COL17A1: variants seen among roughly 807,000 people sequenced by gnomAD.
The protein encoded by COL17A1 is collagen type XVII alpha 1 chain.
Under a neutral mutation model 218.4 loss-of-function variants are expected in COL17A1, and 181 were observed. The observed-to-expected ratio is 0.83, with a 90% CI of 0.73 to 0.94. The LOEUF is 0.94. Ranked by LOEUF, COL17A1 falls within the 40% of genes least tolerant of loss-of-function variation. COL17A1 has a pLI of 0.00. For synonymous variants in COL17A1, 721 were observed against 731.0 expected (o/e 0.99, Z 0.22); for missense variants, 1,924 against 1,945.9 (o/e 0.99, Z 0.21).
intron 31 of COL17A1, among the ~76,000 whole-genome samples, chr10:104,047,368 G>A (rs2086422397): frequency 6.6e-6 from 1 of 152,074 alleles, no homozygotes; most frequent in Non-Finnish European, 1.5e-5. Flanking sequence ...AAGATAGCGA[G>A]GTGACCTTCA....
At position 104,040,427 on chromosome 10, in the gene COL17A1, T is replaced by C. The variant is rs2086346941; in HGVS notation, c.2702-17A>G. The C allele has an allele frequency of 6.3e-7, 1 of 1,576,522 alleles. No homozygotes were observed. The highest frequency in any genetic ancestry group is 1.1e-5 in the South Asian group (1 of 90,372). ...GGAAGGTTTCTGCAGAGGAAGGAAA[T>C]AGTTTGAGTATGGACACTGATGTTT... On this transcript the variant is annotated splice_polypyrimidine_tract_variant and intron_variant, in intron 39 of 55. Transcript: ENST00000648076.
chr10:104,071,988 G>A, intron 8 of COL17A1, 44 bp downstream of exon 8: 1 of 1,613,664 alleles, frequency 6.2e-7, no homozygotes, highest in Non-Finnish European at 8.5e-7. Context: ...CACTAGCCCT[G>A]GATTTCTGGA....
At chr10:104,054,141 G>A in intron 20 of COL17A1, 23 bp from the exon 21 acceptor site, 1 of 1,600,246 alleles carries the variant, frequency 6.2e-7, no homozygotes, top group Middle Eastern at 1.8e-4. Flanking sequence ...AGGCAAAAGA[G>A]AGAGTGGTCA....
At chr10:104,040,296 C>T in intron 40 of COL17A1, 55 bp downstream of exon 40, 4 of 1,261,574 alleles carry the variant, frequency 3.2e-6, no homozygotes, top group Non-Finnish European at 4.7e-6. Flanking sequence ...TGGCAACCAG[C>T]AGGTAAACAG....
At chr10:104,078,832 C>T (rs773513117) in intron 2 of COL17A1, among the ~76,000 whole-genome samples, 79 of 152,186 alleles carry the variant, frequency 5.2e-4, no homozygotes, top group African/African-American at 7.7e-4. Context: ...TTATGCACTG[C>T]GTTTGAAACA....
At chr10:104,038,920 G>T in intron 44 of COL17A1, 151 bp downstream of exon 44, 1 of 913,380 alleles carries the variant, frequency 1.1e-6, no homozygotes, top group Non-Finnish European at 1.8e-6. Context: ...CCTCCTTAAA[G>T]GCAGCTCATA....
At position 104,037,657 on chromosome 10, in the gene COL17A1, G is replaced by A. The variant is rs1220146123; in HGVS notation, c.3187C>T (p.His1063Tyr). 1.2e-6 allele frequency: 2 copies of A among 1,614,204 alleles called. No individual in the cohort carries two copies. Among genetic ancestry groups the A allele is most frequent in the African/African-American group, 1.3e-5 (1 of 75,038 alleles). Residue 1063 changes from histidine to tyrosine, a missense_variant, in exon 46 of 56, where the codon CAC becomes TAC. By Grantham distance (83) the His-to-Tyr change is moderately conservative (BLOSUM62 2). Transcript: ENST00000648076. ...ETFDYSELASHVVSYLRTSGY... is the reference protein window; with the variant it reads ...ETFDYSELASYVVSYLRTSGY... ...TTACTCCGTAAGTAGCTCACAACGTGGCTTGCCAGCTCTGAGTAGTCGAAA... is the reference window on the plus strand; with the variant it reads ...TTACTCCGTAAGTAGCTCACAACGTAGCTTGCCAGCTCTGAGTAGTCGAAA...
intron 9 of COL17A1, among the ~76,000 whole-genome samples, chr10:104,070,221 A>T (rs920498784): frequency 6.6e-6 from 1 of 152,236 alleles, no homozygotes; most frequent in Non-Finnish European, 1.5e-5. Flanking sequence ...AGGAAACCAA[A>T]GGCAGCTGTC....
intron 34 of COL17A1, 35 bp downstream of exon 34, chr10:104,043,790 A>T: frequency 6.2e-7 from 1 of 1,612,984 alleles, no homozygotes; most frequent in Non-Finnish European, 8.5e-7. Context: ...TATAAGAAAG[A>T]CACAGAAAGG....
At chr10:104,078,385 C>T (rs2086730338) in intron 3 of COL17A1, among the ~76,000 whole-genome samples, 157 bp downstream of exon 3, 1 of 152,182 alleles carries the variant, frequency 6.6e-6, no homozygotes, top group Non-Finnish European at 1.5e-5. Flanking sequence ...CTGAATTATA[C>T]ACTTCAAACT....
At chr10:104,059,811 T>A in intron 14 of COL17A1, 93 bp from the exon 15 acceptor site, 1 of 1,328,018 alleles carries the variant, frequency 7.5e-7, no homozygotes, top group Non-Finnish European at 1.1e-6. Context: ...CTACCCTGCT[T>A]GGGAAGGTCT....
At chr10:104,038,332 T>C (rs2086323170) in intron 45 of COL17A1, 74 bp downstream of exon 45, 1 of 1,593,284 alleles carries the variant, frequency 6.3e-7, no homozygotes, top group African/African-American at 1.3e-5. Flanking sequence ...TCTGTGATGA[T>C]ACCACAGCTC....
chr10:104,077,539 A>C lies in COL17A1; in HGVS notation c.98-13T>G, dbSNP rs763001073. On this transcript the variant is annotated splice_polypyrimidine_tract_variant and intron_variant, in intron 3 of 55. Transcript: ENST00000648076. ...CTGGTCCCGCCTTCTGCCAGGAACA[A>C]AAGCAGGTGATAATTTCAGGGTGGA... is the stretch of plus-strand genomic sequence containing the variant. The C allele has an allele frequency of 6.2e-7, 1 of 1,602,230 alleles. No homozygotes were observed. Among genetic ancestry groups the C allele is most frequent in the African/African-American group, 1.3e-5 (1 of 74,642 alleles).
rs772594974 is a variant in COL17A1 at position 104,070,556 on chromosome 10, A to C, written c.477T>G (p.Asp159Glu). The change falls in exon 9 of 56, where the codon GAT becomes GAG. Residue 159 changes from aspartate (D) to glutamate (E), a missense_variant. Transcript: ENST00000648076. ...TCCCCTTGAGCAAACGCTTAACATC[A>C]TCCAATTCTGTCCCTGTGAAAGAAT... is the stretch of plus-strand genomic sequence containing the variant. ...ASPSTRWTELDDVKRLLKGSR... is the reference protein window; with the variant it reads ...ASPSTRWTELEDVKRLLKGSR... 22 of 1,614,138 alleles carry C rather than the reference A, an allele frequency of 1.4e-5. No individual in the cohort carries two copies. The highest frequency in any genetic ancestry group is 1.9e-5 in the Non-Finnish European group (22 of 1,180,030).
rs141001418 is a variant in COL17A1, at chr10:104,079,353, T to C, written c.53-767A>G. 1.1e-4 allele frequency among the ~76,000 whole-genome samples: 17 copies of C among 152,234 alleles called. No individual in the cohort carries two copies. The East Asian group carries it at 3.3e-3, about 29-fold the overall frequency. On this transcript the variant is annotated intron_variant, in intron 2 of 55. Transcript: ENST00000648076. ...CTTTGATATCAGGTTTCCAGTGTGC[T>C]TGTATGCATGCATGCATGTGTGTAT...
chr10:104,053,696 G>A (rs759141990), intron 22 of COL17A1, among the ~76,000 whole-genome samples: 14 of 151,918 alleles, frequency 9.2e-5, no homozygotes, highest in East Asian at 1.9e-4. Flanking sequence ...TTCCCATGTC[G>A]TGCATCACCC....
At chr10:104,040,033 T>C (rs756810602) in intron 40 of COL17A1, 34 bp from the exon 41 acceptor site, 1 of 1,613,318 alleles carries the variant, frequency 6.2e-7, no homozygotes, top group Non-Finnish European at 8.5e-7. Flanking sequence ...ATGAGACAGG[T>C]ACCAACCAGG....
Position 104,058,163 on chromosome 10 carries a change from C to G in COL17A1, c.1250G>C (p.Gly417Ala), listed in dbSNP as rs1283982215. 1 of 1,614,080 alleles carries G rather than the reference C, an allele frequency of 6.2e-7. No homozygotes were observed. The highest frequency in any genetic ancestry group is 1.3e-5 in the African/African-American group (1 of 74,934). Residue 417 changes from glycine to alanine, a missense_variant, in exon 16 of 56, where the codon GGC becomes GCC. Gly to Ala is a moderately conservative substitution (Grantham distance 60). Coordinates refer to ENST00000648076, the MANE Select transcript of COL17A1 (RefSeq NM_000494.4). The part of the protein sequence containing the change: ...NGDLKTVSTK[G>A]KTTTADIHSY... The stretch of plus-strand genomic sequence containing the variant: ...TCACCCACCTGCAGTGGTGGTCTTG[C>G]CCTTTGTGGACACAGTCTTCAGGTC...
At chr10:104,034,564 C>A in intron 51 of COL17A1, 57 bp downstream of exon 51, 3 of 1,583,936 alleles carry the variant, frequency 1.9e-6, no homozygotes, top group Non-Finnish European at 2.6e-6. Context: ...GCCCCACTTA[C>A]AGGGAAAAGC....
Sources: gnomAD v4.1 joint callset for allele counts (sites outside exome capture counted in the v4.1 genomes callset) on GRCh38, gnomAD v4.1.1 for gene constraint, MANE v1.5 for transcripts, NCBI Gene and HGNC (gene_info 2026-07-23, HGNC 2026-07-21) for gene names.